The following SUGCT variants were observed in gnomAD, a reference collection of about 807,000 sequenced individuals.
SUGCT encodes the protein succinyl-CoA:glutarate-CoA transferase.
Under a neutral mutation model 55.0 loss-of-function variants are expected in SUGCT, and 41 were observed. The ratio of observed to expected loss-of-function variants is 0.74; its 90% CI spans 0.58 to 0.97. SUGCT has a LOEUF of 0.97. Ranked by LOEUF, SUGCT falls within the 50% of genes least tolerant of loss-of-function variation. SUGCT has a pLI of 0.00. For synonymous variants in SUGCT, 187 were observed against 200.4 expected (o/e 0.93, Z 0.56); for missense variants, 568 against 547.8 (o/e 1.04, Z -0.37).
chr7:40,955,683 G>A, the SUGCT span, among the ~76,000 whole-genome samples: 1 of 152,182 alleles, frequency 6.6e-6, no homozygotes, highest in South Asian at 2.1e-4. Context: ...GAATAGGAGT[G>A]AGAGAGGGCA....
chr7:40,969,543 A>C, the SUGCT span, among the ~76,000 whole-genome samples: 2 of 151,814 alleles, frequency 1.3e-5, no homozygotes, highest in African/African-American at 4.8e-5. Flanking sequence ...TTTTGTACTG[A>C]CGGGGGTCCC....
At chr7:40,141,185 CT>C (rs1378818800) in intron 1 of SUGCT, among the ~76,000 whole-genome samples, 163 of 142,134 alleles carry the variant, frequency 1.1e-3, no homozygotes, top group Middle Eastern at 3.6e-3. Context: ...ATTTCTTTTC[CT>C]TTTTTTTTTT....
chr7:40,415,002 G>A (rs1786892840), intron 9 of SUGCT, among the ~76,000 whole-genome samples: 1 of 142,636 alleles, frequency 7.0e-6, no homozygotes, highest in East Asian at 2.1e-4. Flanking sequence ...CCGAGGTCAC[G>A]CCACTGCACT....
the SUGCT span, among the ~76,000 whole-genome samples, chr7:40,921,918 A>G: frequency 2.6e-5 from 4 of 152,198 alleles, no homozygotes; most frequent in South Asian, 2.1e-4. Flanking sequence ...AAATATTGCC[A>G]TCTTTTTCTC....
intron 9 of SUGCT, among the ~76,000 whole-genome samples, chr7:40,341,770 GGA>G (rs1348468191): frequency 6.6e-6 from 1 of 152,224 alleles, no homozygotes; most frequent in East Asian, 1.9e-4. Context: ...AACCAGGAAA[GGA>G]GTTCAGAGGC....
At chr7:40,721,364 C>A (rs1237554777) in intron 12 of SUGCT, among the ~76,000 whole-genome samples, 1 of 152,098 alleles carries the variant, frequency 6.6e-6, no homozygotes. Flanking sequence ...TTATTATGAA[C>A]TTTCTTTACT....
chr7:40,264,590 T>C (rs1014772063), intron 7 of SUGCT, among the ~76,000 whole-genome samples: 2 of 152,228 alleles, frequency 1.3e-5, no homozygotes, highest in Non-Finnish European at 2.9e-5. Flanking sequence ...TTGTTCTCTA[T>C]GCTTGCAATT....
the SUGCT span, among the ~76,000 whole-genome samples, chr7:40,868,968 A>C: frequency 6.6e-6 from 1 of 152,238 alleles, no homozygotes; most frequent in African/African-American, 2.4e-5. Flanking sequence ...ACTAATGTTA[A>C]CATTTTATAT....
At chr7:40,940,177 G>A in the SUGCT span, among the ~76,000 whole-genome samples, 1 of 152,106 alleles carries the variant, frequency 6.6e-6, no homozygotes, top group Non-Finnish European at 1.5e-5. Context: ...TTGAAGATTA[G>A]TTGGTTGTAA....
chr7:40,442,965 A>C (rs578103808), intron 9 of SUGCT, among the ~76,000 whole-genome samples: 1 of 152,288 alleles, frequency 6.6e-6, no homozygotes, highest in South Asian at 2.1e-4. Context: ...GAGTGAGAAC[A>C]TGCAGTGTTT....
At chr7:41,011,619 A>G in the SUGCT span, among the ~76,000 whole-genome samples, 1 of 152,244 alleles carries the variant, frequency 6.6e-6, no homozygotes, top group South Asian at 2.1e-4. Context: ...TTTGAGAAGC[A>G]CTGTGTTAGA....
At chr7:41,004,946 T>C in the SUGCT span, among the ~76,000 whole-genome samples, 2 of 152,144 alleles carry the variant, frequency 1.3e-5, no homozygotes, top group East Asian at 1.9e-4. Context: ...ATCGGTGGAC[T>C]TGGCCCTGAA....
At chr7:41,019,826 C>T in the SUGCT span, among the ~76,000 whole-genome samples, 1 of 152,070 alleles carries the variant, frequency 6.6e-6, no homozygotes, top group Non-Finnish European at 1.5e-5. Context: ...GCTTTCATGA[C>T]AGGAAAAACA....
chr7:40,803,649 A>T (rs1584464744), intron 13 of SUGCT, among the ~76,000 whole-genome samples: 1 of 152,328 alleles, frequency 6.6e-6, no homozygotes, highest in Non-Finnish European at 1.5e-5. Flanking sequence ...TAATAGACAC[A>T]ACTACTATTA....
chr7:40,470,042 T>G (rs1272230869), intron 11 of SUGCT, among the ~76,000 whole-genome samples: 1 of 152,158 alleles, frequency 6.6e-6, no homozygotes. Flanking sequence ...AAAGATCCCT[T>G]GAAACGTGGT....
intron 8 of SUGCT, among the ~76,000 whole-genome samples, chr7:40,312,164 C>T (rs1391963698): frequency 6.6e-6 from 1 of 151,832 alleles, no homozygotes; most frequent in African/African-American, 2.4e-5. Context: ...CTCAGCCTCC[C>T]GAGTAGCTGG....
intron 8 of SUGCT, among the ~76,000 whole-genome samples, chr7:40,312,050 G>GT (rs35487000): frequency 0.051 from 7,359 of 144,912 alleles, 622 homozygotes; most frequent in African/African-American, 0.17. Flanking sequence ...CCTCACATAA[G>GT]TTTTTTTTTT....
the SUGCT span, among the ~76,000 whole-genome samples, chr7:40,984,794 T>G: frequency 5.5e-4 from 84 of 152,290 alleles, no homozygotes; most frequent in Non-Finnish European, 9.8e-4. Flanking sequence ...TTGTTTGTTT[T>G]TTGGTATCGT....
intron 6 of SUGCT, among the ~76,000 whole-genome samples, chr7:40,218,130 T>G (rs952254981): frequency 2.0e-5 from 3 of 152,088 alleles, no homozygotes; most frequent in African/African-American, 7.2e-5. Flanking sequence ...GGAGAATCAT[T>G]TGAACCTGGG....
Sources: allele counts gnomAD v4.1 joint callset (sites outside exome capture counted in the v4.1 genomes callset), GRCh38; gene constraint gnomAD v4.1.1; transcripts MANE v1.5; gene names NCBI Gene and HGNC (gene_info 2026-07-23, HGNC 2026-07-21).